KLHL32: variants seen among roughly 807,000 people sequenced by gnomAD.
KLHL32 encodes the protein kelch-like protein 32.
KLHL32 carries 35 observed loss-of-function variants against 64.8 expected under a neutral mutation model. That is an observed-to-expected ratio of 0.54 (90% confidence interval 0.41 to 0.72). The LOEUF (loss-of-function observed/expected upper bound fraction) is 0.72. Among genes scored for constraint, KLHL32 ranks in the 30% least tolerant of loss-of-function variants. The pLI is 0.00. For synonymous variants in KLHL32, 259 were observed against 281.0 expected (o/e 0.92, Z 0.78); for missense variants, 589 against 768.5 (o/e 0.77, Z 2.76).
At chr6:96,936,149 A>C (rs1770572769) in intron 1 of KLHL32, among the ~76,000 whole-genome samples, 1 of 152,210 alleles carries the variant, frequency 6.6e-6, no homozygotes, top group South Asian at 2.1e-4. Context: ...TGTCACTAGA[A>C]ATATAATTAA....
chr6:96,980,090 G>A (rs574181759), intron 3 of KLHL32, among the ~76,000 whole-genome samples: 6 of 152,134 alleles, frequency 3.9e-5, no homozygotes, highest in African/African-American at 1.4e-4. Context: ...TTCTAAGTAT[G>A]GAATCACATC....
At chr6:96,984,853 G>C (rs1435248051) in intron 3 of KLHL32, among the ~76,000 whole-genome samples, 2 of 152,114 alleles carry the variant, frequency 1.3e-5, no homozygotes, top group African/African-American at 2.4e-5. Flanking sequence ...CTTTTAATTG[G>C]AGCATTTAGC....
chr6:97,114,018 C>T lies in KLHL32; in HGVS notation c.863C>T (p.Ser288Leu). The T allele has an allele frequency of 6.2e-7, 1 of 1,614,216 alleles. No homozygotes were observed. The highest frequency in any genetic ancestry group is 8.5e-7 in the Non-Finnish European group (1 of 1,180,046). ...QTRRTKPRFQ[S>L]DTLYIIGGKK... The stretch of plus-strand genomic sequence containing the variant: ...CGCAGGACCAAACCACGATTCCAGT[C>T]AGACACTCTGTATATCATTGGTGGG... The change falls in exon 7 of 11, where the codon TCA (serine) becomes TTA (leucine). Residue 288 changes from serine (S) to leucine (L), a missense_variant. This residue lies in a region of KLHL32 where 226 missense variants were observed against 353.2 expected (regional missense o/e 0.64). Transcript: ENST00000369261.
chr6:96,985,892 C>T (rs1450572841), intron 3 of KLHL32, among the ~76,000 whole-genome samples: 1 of 152,190 alleles, frequency 6.6e-6, no homozygotes, highest in Non-Finnish European at 1.5e-5. Flanking sequence ...CATTCTCCGT[C>T]CAGCTTTGTT....
chr6:96,930,062 C>T (rs894142096), intron 1 of KLHL32, among the ~76,000 whole-genome samples: 1 of 152,100 alleles, frequency 6.6e-6, no homozygotes, highest in Non-Finnish European at 1.5e-5. Flanking sequence ...AAGCAGGCTA[C>T]CCCCTCCCTT....
chr6:97,026,317 A>G (rs955079521), intron 3 of KLHL32, among the ~76,000 whole-genome samples: 2 of 151,996 alleles, frequency 1.3e-5, no homozygotes, highest in African/African-American at 4.8e-5. Flanking sequence ...GGTTGCAGTG[A>G]GCTATGATCA....
the KLHL32 span, chr6:96,914,995 C>A: frequency 6.6e-6 from 1 of 152,100 alleles, no homozygotes; most frequent in African/African-American, 2.4e-5. Context: ...TTGCGCCCGG[C>A]AATCCTGGAC....
intron 10 of KLHL32, among the ~76,000 whole-genome samples, chr6:97,134,859 T>TA (rs1799822450): frequency 6.6e-6 from 1 of 152,062 alleles, no homozygotes; most frequent in Non-Finnish European, 1.5e-5. Flanking sequence ...GAAACTTAAA[T>TA]AAAAAAAACT....
In KLHL32 at chr6:97,114,383, C is replaced by G; in HGVS notation, c.1228C>G (p.Arg410Gly). 1 of 1,614,186 alleles carries G rather than the reference C, an allele frequency of 6.2e-7. No homozygotes were observed. Among genetic ancestry groups the G allele is most frequent in the South Asian group, 1.1e-5 (1 of 91,086 alleles). ...TGCAGTTGGGGGCAGAAATGAACTG[C>G]GCCAGGTTCTGCCTACAGTTGAGCG... ...LYAVGGRNEL[R>G]QVLPTVERYC... Residue 410 changes from arginine to glycine, a missense_variant, in exon 7 of 11, where the codon CGC (arginine) becomes GGC (glycine). By Grantham distance (125) the Arg-to-Gly change is moderately radical. Coordinates refer to ENST00000369261, the MANE Select transcript of KLHL32 (RefSeq NM_052904.4).
At chr6:96,898,507 G>C in the KLHL32 span, among the ~76,000 whole-genome samples, 1 of 151,804 alleles carries the variant, frequency 6.6e-6, no homozygotes, top group African/African-American at 2.4e-5. Flanking sequence ...TTTACATCCC[G>C]TTCTCATTTG....
chr6:96,903,272 A>C, the KLHL32 span, among the ~76,000 whole-genome samples: 49 of 151,702 alleles, frequency 3.2e-4, 1 homozygote, highest in Non-Finnish European at 2.1e-4. Context: ...ATATATAAAT[A>C]TATATACAAT....
At chr6:96,922,196 A>G (rs1426157669), upstream of KLHL32, among the ~76,000 whole-genome samples, 3 of 152,156 alleles carry the variant, frequency 2.0e-5, no homozygotes, top group African/African-American at 4.8e-5. Flanking sequence ...CACTACCACA[A>G]CTGAGGGACA....
At chr6:97,073,614 C>T (rs1791113305) in intron 5 of KLHL32, among the ~76,000 whole-genome samples, 1 of 152,136 alleles carries the variant, frequency 6.6e-6, no homozygotes, top group Admixed American at 6.5e-5. Flanking sequence ...CACATATTGT[C>T]TGATTGGATT....
At chr6:97,024,583 C>T (rs577464395) in intron 3 of KLHL32, among the ~76,000 whole-genome samples, 1 of 152,046 alleles carries the variant, frequency 6.6e-6, no homozygotes, top group Non-Finnish European at 1.5e-5. Flanking sequence ...TCATCATATT[C>T]TTCTTTAAAA....
In KLHL32 at chr6:97,100,581, C is replaced by T. The variant is rs1373958571; in HGVS notation, c.628-13202C>T. 2.0e-4 allele frequency among the ~76,000 whole-genome samples: 31 copies of T among 152,096 alleles called. 1 individual carries two copies. The highest frequency in any genetic ancestry group is 2.0e-3 in the Admixed American group (31 of 15,258). ...CTATTCTTTTATTTTTATTTGGAGG[C>T]TGCCAACATTAAATCCTTAAATGCA... On this transcript the variant is annotated intron_variant, in intron 6 of 10. Transcript: ENST00000369261.
chr6:96,923,351 ACAACG>A (rs1768821021), upstream of KLHL32, among the ~76,000 whole-genome samples: 1 of 152,214 alleles, frequency 6.6e-6, no homozygotes, highest in Non-Finnish European at 1.5e-5. Context: ...CTGATAGAAG[ACAACG>A]CAATGAAAAC....
At chr6:96,988,081 ACAAAAGC>A (rs1203802148) in intron 3 of KLHL32, among the ~76,000 whole-genome samples, 1 of 152,232 alleles carries the variant, frequency 6.6e-6, no homozygotes, top group African/African-American at 2.4e-5. Context: ...AGCAATGGCA[ACAAAAGC>A]CAAAATAGAC....
intron 6 of KLHL32, among the ~76,000 whole-genome samples, chr6:97,099,004 G>A (rs148820460): frequency 2.0e-5 from 3 of 152,220 alleles, no homozygotes; most frequent in Non-Finnish European, 2.9e-5. Context: ...TTATAGGTTC[G>A]CTATGTTTTT....
chr6:96,990,311 G>T (rs1267916026), intron 3 of KLHL32, among the ~76,000 whole-genome samples: 1 of 152,044 alleles, frequency 6.6e-6, no homozygotes, highest in Non-Finnish European at 1.5e-5. Context: ...ATCTTTATTT[G>T]CAGCTGATTT....
Sources: gnomAD v4.1 joint callset for allele counts (sites outside exome capture counted in the v4.1 genomes callset) on GRCh38, gnomAD v4.1.1 for gene constraint, gnomAD v4.1.1 regional missense constraint, MANE v1.5 for transcripts, NCBI Gene and HGNC (gene_info 2026-07-23, HGNC 2026-07-21) for gene names.